The following DST variants were observed in gnomAD, a reference collection of about 807,000 sequenced individuals.
DST encodes bullous pemphigoid antigen.
Under a neutral mutation model 875.2 loss-of-function variants are expected in DST, and 253 were observed. The observed-to-expected ratio is 0.29, with a 90% confidence interval of 0.26 to 0.32. DST has a LOEUF of 0.32. Among genes scored for constraint, DST ranks in the 10% least tolerant of loss-of-function variants. The probability of loss-of-function intolerance (pLI) is 1.00; values close to 1 mark genes in which losing one functional copy is unlikely to be tolerated. For synonymous variants in DST, 3,124 were observed against 3,197.1 expected (o/e 0.98, Z 0.77); for missense variants, 8,287 against 9,111.6 (o/e 0.91, Z 3.68).
chr6:56,654,586 C>CTATATATATATATATA (rs138507484), intron 10 of DST, among the ~76,000 whole-genome samples: 2,521 of 133,004 alleles, frequency 0.019, 46 homozygotes, highest in Non-Finnish European at 0.03. Context: ...CTCCCCTAGG[C>CTATATATATATATATA]TATATATATA....
At chr6:56,800,992 C>T (rs1375296618) in intron 4 of DST, among the ~76,000 whole-genome samples, 1 of 147,898 alleles carries the variant, frequency 6.8e-6, no homozygotes, top group Non-Finnish European at 1.5e-5. Context: ...TGCACTCCAG[C>T]CGGGGCAACA....
intron 3 of DST, among the ~76,000 whole-genome samples, chr6:56,896,144 G>A (rs1366699903): frequency 7.4e-6 from 1 of 134,994 alleles, no homozygotes; most frequent in Non-Finnish European, 1.6e-5. Context: ...AGGGAGACGG[G>A]AGAGCCTACT....
In DST at chr6:56,466,175, C is replaced by T; in HGVS notation, c.22590G>A (p.Leu7530=). ...TACTCCGCAGGATCCGGACCAGTCG[C>T]AGTTGCTGGGAGTCTCCAAACTGTT... is the stretch of plus-strand genomic sequence containing the variant. ...LGNQFGDSQQ[L]RLVRILRSTV... The change falls in exon 99 of 104, where the codon CTG becomes CTA. Residue 7530 remains leucine, a synonymous_variant. Transcript: ENST00000680361. 1 of 1,609,284 alleles carries T rather than the reference C, an allele frequency of 6.2e-7. No individual in the cohort carries two copies. The highest frequency in any genetic ancestry group is 8.5e-7 in the Non-Finnish European group (1 of 1,177,558).
intron 52 of DST, 30 bp from the exon 53 acceptor site, chr6:56,572,296 TA>T: frequency 6.8e-7 from 1 of 1,467,414 alleles, no homozygotes; most frequent in Non-Finnish European, 9.2e-7. Flanking sequence ...TCAGTCAATA[TA>T]AATGTTGCTA....
At position 56,504,060 on chromosome 6, in the gene DST, T is replaced by C. The variant is rs768205425; in HGVS notation, c.19503A>G (p.Leu6501=). Reference sequence around the variant, plus strand: ...CTGTTCCAATTGGAGACATTGAAGCTAATTTACCACCTGCAATATCTACCC... The same window carrying C: ...CTGTTCCAATTGGAGACATTGAAGCCAATTTACCACCTGCAATATCTACCC... ...FDWVDIAGGK[L]ASMSPIGTDL... The change falls in exon 78 of 104, where the codon TTA becomes TTG. Residue 6501 remains leucine, a synonymous_variant. Transcript: ENST00000680361. 2 of 1,609,788 alleles carry C rather than the reference T, an allele frequency of 1.2e-6. No individual in the cohort carries two copies. Among genetic ancestry groups the C allele is most frequent in the Non-Finnish European group, 1.7e-6 (2 of 1,178,104 alleles).
chr6:56,884,510 G>A lies in DST; in HGVS notation c.417+15911C>T, dbSNP rs182130096. On this transcript the variant is annotated intron_variant, in intron 3 of 103. Coordinates refer to ENST00000680361, the MANE Select transcript of DST (RefSeq NM_001374736.1). The stretch of plus-strand genomic sequence containing the variant: ...TTTTTGTATACTTTCATCAGGAGAC[G>A]CATATGTGTGGTTGTCTCTCATGTA... 5.3e-5 allele frequency among the ~76,000 whole-genome samples: 8 copies of A among 152,222 alleles called. 1 individual carries two copies. Among genetic ancestry groups the A allele is most frequent in the African/African-American group, 1.7e-4 (7 of 41,548 alleles).
rs1435924280 is a variant in DST, at chr6:56,605,265, A to G, written c.9363T>C (p.Asn3121=). Residue 3121 remains asparagine (N), a synonymous_variant, in exon 40 of 104, where the codon AAT becomes AAC. Transcript: ENST00000680361. ...KATVTLKDEP[N]NLQIIVSKSP... ...TTTTACTAACTATTATTTGTAGATTATTTGGTTCATCTTTAAGAGTTACAG... is the reference window on the plus strand; with the variant it reads ...TTTTACTAACTATTATTTGTAGATTGTTTGGTTCATCTTTAAGAGTTACAG... The G allele has an allele frequency of 6.2e-7, 1 of 1,610,904 alleles. No homozygotes were observed. Among genetic ancestry groups the G allele is most frequent in the Non-Finnish European group, 8.5e-7 (1 of 1,178,202 alleles).
chr6:56,551,742 G>A (rs1166758353), intron 61 of DST, among the ~76,000 whole-genome samples: 1 of 152,192 alleles, frequency 6.6e-6, no homozygotes, highest in Non-Finnish European at 1.5e-5. Context: ...GAAGAAAAAT[G>A]TCTGTGGAAG....
intron 4 of DST, among the ~76,000 whole-genome samples, chr6:56,807,995 C>T (rs977779195): frequency 2.0e-5 from 3 of 152,158 alleles, no homozygotes; most frequent in Non-Finnish European, 4.4e-5. Context: ...ATGTACTAGT[C>T]TTCTATCCAA....
chr6:56,884,452 G>T (rs1278464973), intron 3 of DST, among the ~76,000 whole-genome samples: 1 of 152,034 alleles, frequency 6.6e-6, no homozygotes, highest in Non-Finnish European at 1.5e-5. Context: ...ATCTGATTTA[G>T]GTTCAATTTT....
chr6:56,777,973 G>T (rs935245417), intron 4 of DST, among the ~76,000 whole-genome samples: 3 of 152,078 alleles, frequency 2.0e-5, no homozygotes, highest in Non-Finnish European at 4.4e-5. Flanking sequence ...AAAGTGCTAG[G>T]ATTACAGGCA....
At chr6:56,910,992 T>G (rs1447065259) in intron 2 of DST, among the ~76,000 whole-genome samples, 2 of 152,198 alleles carry the variant, frequency 1.3e-5, no homozygotes, top group Admixed American at 6.5e-5. Context: ...CTCTTAATAA[T>G]GTCAAACATT....
chr6:56,897,305 T>TG (rs145216598), intron 3 of DST, among the ~76,000 whole-genome samples: 1,846 of 137,070 alleles, frequency 0.013, 21 homozygotes, highest in South Asian at 0.027. Context: ...GGTTTTTTTT[T>TG]GGGGGGGGGG....
intron 10 of DST, among the ~76,000 whole-genome samples, chr6:56,670,172 GTA>G (rs1554600641): frequency 7.1e-4 from 104 of 145,590 alleles, no homozygotes; most frequent in African/African-American, 2.4e-3. Flanking sequence ...GTGTGTGTGT[GTA>G]TAAGCTACAA....
At chr6:56,908,505 G>T (rs1797439306) in intron 2 of DST, among the ~76,000 whole-genome samples, 1 of 152,166 alleles carries the variant, frequency 6.6e-6, no homozygotes, top group Admixed American at 6.6e-5. Flanking sequence ...AAGTTGTAGT[G>T]CCTGCAGATC....
At chr6:56,762,145 T>C (rs548332640) in intron 4 of DST, among the ~76,000 whole-genome samples, 1 of 152,116 alleles carries the variant, frequency 6.6e-6, no homozygotes. Context: ...TTCAGCCTCC[T>C]GAGTAGCTGG....
intron 36 of DST, chr6:56,618,583 C>A: frequency 1.2e-6 from 2 of 1,614,094 alleles, no homozygotes; most frequent in South Asian, 2.2e-5. Context: ...CCATGTGCTG[C>A]CCTTGCTGCA....
intron 49 of DST, among the ~76,000 whole-genome samples, chr6:56,586,618 C>A (rs1303052775): frequency 6.6e-6 from 1 of 152,068 alleles, no homozygotes; most frequent in Admixed American, 6.6e-5. Flanking sequence ...CAAGTGGGTC[C>A]CTGACCCCTG....
At chr6:56,947,265 T>TTTTA (rs1351113916) in intron 2 of DST, among the ~76,000 whole-genome samples, 2 of 151,512 alleles carry the variant, frequency 1.3e-5, no homozygotes, top group Non-Finnish European at 2.9e-5. Context: ...TTTTTTTTTT[T>TTTTA]TTCTGAGACA....
Sources: allele counts gnomAD v4.1 joint callset (sites outside exome capture counted in the v4.1 genomes callset), GRCh38; gene constraint gnomAD v4.1.1; transcripts MANE v1.5; gene names NCBI Gene and HGNC (gene_info 2026-07-23, HGNC 2026-07-21).